KAZN: variants seen among roughly 807,000 people sequenced by gnomAD.
The protein encoded by KAZN is kazrin, periplakin interacting protein.
In KAZN, 40 loss-of-function variants were observed where a neutral mutation model predicts 87.4. That is an observed-to-expected ratio of 0.46 (90% CI 0.36 to 0.60). The LOEUF is 0.60. KAZN is among the 20% of genes least tolerant of loss of function. The pLI, the probability that KAZN is intolerant of heterozygous loss-of-function variation, is 0.00. For missense variants in KAZN, 898 were observed against 1,073.9 expected, an observed-to-expected ratio of 0.84 and a Z score of 2.29; for synonymous variants, 466 against 458.3, an observed-to-expected ratio of 1.02 and a Z score of -0.22.
At chr1:14,223,765 G>A (rs181867282) in intron 2 of KAZN, among the ~76,000 whole-genome samples, 10 of 152,306 alleles carry the variant, frequency 6.6e-5, no homozygotes, top group African/African-American at 2.4e-4. Context: ...GATTAATTAA[G>A]AGTATTTGCA....
At chr1:14,409,373 G>A (rs1275680094) in intron 2 of KAZN, among the ~76,000 whole-genome samples, 3 of 152,164 alleles carry the variant, frequency 2.0e-5, no homozygotes, top group Admixed American at 6.5e-5. Context: ...TATTAACCAC[G>A]CCATGAAAGG....
chr1:14,382,136 C>G (rs769719880), intron 2 of KAZN, among the ~76,000 whole-genome samples: 4 of 151,956 alleles, frequency 2.6e-5, no homozygotes, highest in Non-Finnish European at 2.9e-5. Flanking sequence ...ACAATGAAAA[C>G]TATAAAATAT....
chr1:14,448,242 T>C (rs1571673957), intron 2 of KAZN, among the ~76,000 whole-genome samples: 3 of 152,300 alleles, frequency 2.0e-5, no homozygotes, highest in Admixed American at 1.3e-4. Context: ...GATCACACCA[T>C]TGGTAACTGG....
At chr1:14,434,926 C>A (rs376563567) in intron 2 of KAZN, among the ~76,000 whole-genome samples, 5 of 152,304 alleles carry the variant, frequency 3.3e-5, no homozygotes, top group African/African-American at 9.6e-5. Flanking sequence ...TGCTGACACA[C>A]TTTGTCTGAG....
chr1:14,534,333 T>A (rs951864541), intron 2 of KAZN, among the ~76,000 whole-genome samples: 2 of 152,198 alleles, frequency 1.3e-5, no homozygotes, highest in Admixed American at 6.5e-5. Flanking sequence ...TGCATGTGAT[T>A]CTTGAAACAT....
At position 14,366,596 on chromosome 1, in the gene KAZN, G is replaced by A. The variant is rs72869028; in HGVS notation, c.249+186004G>A. 2.7e-3 allele frequency among the ~76,000 whole-genome samples: 410 copies of A among 152,344 alleles called. 4 individuals are homozygous for A. The highest frequency in any genetic ancestry group is 9.4e-3 in the African/African-American group (392 of 41,588). On this transcript the variant is annotated intron_variant, in intron 2 of 16. Transcript: ENST00000636203. ...CCCTTGTGGGAGGGAACACACAAGT[G>A]TGAGCGGGTGCAGGAGCCGTGGGCG... is the stretch of plus-strand genomic sequence containing the variant.
At chr1:13,900,535 C>T (rs913299279) in intron 1 of KAZN, among the ~76,000 whole-genome samples, 4 of 152,136 alleles carry the variant, frequency 2.6e-5, no homozygotes, top group Non-Finnish European at 5.9e-5. Flanking sequence ...GTCCTCATAG[C>T]CTTGGAGTAA....
At chr1:14,262,716 G>T (rs955177274) in intron 2 of KAZN, among the ~76,000 whole-genome samples, 5 of 152,180 alleles carry the variant, frequency 3.3e-5, no homozygotes, top group Non-Finnish European at 5.9e-5. Context: ...TCTGTAGTAA[G>T]AAATACAGGC....
Position 14,334,856 on chromosome 1 carries a change from G to A in KAZN, c.249+154264G>A, listed in dbSNP as rs922499794. Reference sequence around the variant, plus strand: ...CAGACACAGGACAAACGCAGAGGCAGACAGAGACACAGACAGATGCAGAGA... The same window carrying A: ...CAGACACAGGACAAACGCAGAGGCAAACAGAGACACAGACAGATGCAGAGA... On this transcript the variant is annotated intron_variant, in intron 2 of 16. Transcript: ENST00000636203. Among the ~76,000 whole-genome samples the A allele has an allele frequency of 1.6e-4, 25 of 152,258 alleles. No homozygotes were observed. In the South Asian group the frequency reaches 4.8e-3, roughly 29 times the overall value.
intron 6 of KAZN, 21 bp downstream of exon 6, chr1:15,060,323 G>GCCTAGGCC: frequency 1.2e-6 from 2 of 1,613,934 alleles, no homozygotes; most frequent in East Asian, 2.2e-5. Flanking sequence ...CAGCAGCGGG[G>GCCTAGGCC]CCTGGGCCCC....
chr1:13,962,273 G>A (rs368919841), intron 1 of KAZN, among the ~76,000 whole-genome samples: 3 of 152,084 alleles, frequency 2.0e-5, no homozygotes, highest in Non-Finnish European at 2.9e-5. Context: ...GGAGCAGGAG[G>A]TGAGGCCAGA....
chr1:14,966,652 T>C (rs1664485424), intron 2 of KAZN, among the ~76,000 whole-genome samples: 1 of 152,202 alleles, frequency 6.6e-6, no homozygotes, highest in African/African-American at 2.4e-5. Context: ...ATTTGCACTT[T>C]GAAATGGGTA....
intron 2 of KAZN, among the ~76,000 whole-genome samples, chr1:15,002,000 C>T (rs2102020160): frequency 6.6e-6 from 1 of 151,496 alleles, no homozygotes; most frequent in South Asian, 2.1e-4. Context: ...CCTGCCTCAG[C>T]CTCCCGAGTA....
chr1:14,305,582 C>T (rs540197229), intron 2 of KAZN, among the ~76,000 whole-genome samples: 11 of 152,116 alleles, frequency 7.2e-5, no homozygotes, highest in Middle Eastern at 3.4e-3. Flanking sequence ...GATCTGAACT[C>T]AAGATTACCC....
At chr1:13,907,337 G>A (rs1466240213) in intron 1 of KAZN, among the ~76,000 whole-genome samples, 1 of 152,130 alleles carries the variant, frequency 6.6e-6, no homozygotes, top group Non-Finnish European at 1.5e-5. Flanking sequence ...TGGCCCCTGG[G>A]GACTGTGCCA....
In KAZN at chr1:14,057,756, GGC is replaced by G. The variant is rs200650152; in HGVS notation, c.92-122678_92-122677del. The stretch of plus-strand genomic sequence containing the variant: ...GGCAACTCAAATAAATGCTAATGTG[GGC>G]CAGGCCACTGAGTGATTCTTCCAAA... On this transcript the variant is annotated intron_variant, in intron 1 of 16. Coordinates refer to the KAZN transcript ENST00000636203. Among the ~76,000 whole-genome samples, 1,095 of 152,288 alleles carry G rather than the reference GGC, an allele frequency of 7.2e-3. 11 individuals carry two copies. Among genetic ancestry groups the G allele is most frequent in the African/African-American group, 0.025 (1,046 of 41,562 alleles).
intron 1 of KAZN, among the ~76,000 whole-genome samples, chr1:13,934,561 C>T (rs977788204): frequency 6.6e-6 from 1 of 152,212 alleles, no homozygotes; most frequent in African/African-American, 2.4e-5. Context: ...CAGGTTCTCT[C>T]TCTCCAAATC....
chr1:14,399,183 A>T (rs1663167578), intron 2 of KAZN, among the ~76,000 whole-genome samples: 2 of 151,842 alleles, frequency 1.3e-5, no homozygotes, highest in African/African-American at 4.8e-5. Context: ...ATTTATTTAT[A>T]TTTATTTATT....
chr1:15,041,345 T>G (rs1213327761), intron 3 of KAZN, among the ~76,000 whole-genome samples: 1 of 148,954 alleles, frequency 6.7e-6, no homozygotes, highest in African/African-American at 2.5e-5. Context: ...TTTTTTTTTT[T>G]TGTTTTTTTG....
Sources: gnomAD v4.1 joint callset for allele counts (sites outside exome capture counted in the v4.1 genomes callset) on GRCh38, gnomAD v4.1.1 for gene constraint, MANE v1.5 for transcripts, NCBI Gene and HGNC (gene_info 2026-07-23, HGNC 2026-07-21) for gene names.